The following ANP32A variants were observed in gnomAD, a reference collection of about 807,000 sequenced individuals.
ANP32A encodes the protein acidic nuclear phosphoprotein 32 family member A.
Under a neutral mutation model 33.9 loss-of-function variants are expected in ANP32A, and 1 was observed. The observed-to-expected ratio is 0.03, with a 90% CI of 0.01 to 0.14. ANP32A has a LOEUF of 0.14. ANP32A is among the 10% of genes least tolerant of loss of function. The probability of loss-of-function intolerance (pLI) is 1.00; values close to 1 mark genes in which losing one functional copy is unlikely to be tolerated. For synonymous variants in ANP32A, 115 were observed against 120.5 expected (o/e 0.95, Z 0.30); for missense variants, 155 against 306.0 (o/e 0.51, Z 3.68).
intron 1 of ANP32A, among the ~76,000 whole-genome samples, chr15:68,804,973 T>C (rs62008192): frequency 0.042 from 6,346 of 152,266 alleles, 153 homozygotes; most frequent in African/African-American, 0.065. Flanking sequence ...TAGATGAAAT[T>C]ATTGGCCAAT....
At chr15:68,809,671 A>G (rs950599011) in intron 1 of ANP32A, among the ~76,000 whole-genome samples, 3 of 151,544 alleles carry the variant, frequency 2.0e-5, no homozygotes, top group African/African-American at 7.2e-5. Context: ...ACTCCATCAG[A>G]AAGTCACACC....
intron 2 of ANP32A, 110 bp downstream of exon 2, chr15:68,787,660 T>A: frequency 6.3e-7 from 1 of 1,593,894 alleles, no homozygotes; most frequent in Middle Eastern, 1.7e-4. Context: ...GTCTGGCATG[T>A]TGGTGCAAGC....
chr15:68,797,060 T>G (rs912180051), intron 1 of ANP32A, among the ~76,000 whole-genome samples: 1 of 152,152 alleles, frequency 6.6e-6, no homozygotes, highest in African/African-American at 2.4e-5. Flanking sequence ...CTCAATCATC[T>G]AATCTCTTAA....
At chr15:68,801,290 T>C (rs140634869) in intron 1 of ANP32A, among the ~76,000 whole-genome samples, 229 of 150,878 alleles carry the variant, frequency 1.5e-3, no homozygotes, top group Admixed American at 5.2e-3. Flanking sequence ...GCTTGCCCCA[T>C]GTTTCCAGGT....
chr15:68,819,714 C>A (rs893183214), intron 1 of ANP32A, among the ~76,000 whole-genome samples: 6 of 152,210 alleles, frequency 3.9e-5, no homozygotes, highest in Admixed American at 6.5e-5. Context: ...AGGCTGGCAT[C>A]TTGGGGAAGC....
chr15:68,812,087 TC>T (rs1894320370), intron 1 of ANP32A, among the ~76,000 whole-genome samples: 1 of 152,066 alleles, frequency 6.6e-6, no homozygotes, highest in Non-Finnish European at 1.5e-5. Flanking sequence ...GCTATGGTGT[TC>T]TAACGGCAAC....
chr15:68,788,781 C>T (rs1424884707), intron 1 of ANP32A, among the ~76,000 whole-genome samples: 1 of 152,220 alleles, frequency 6.6e-6, no homozygotes, highest in African/African-American at 2.4e-5. Context: ...ATGCTGAGAT[C>T]TGTCTCAAAG....
intron 3 of ANP32A, among the ~76,000 whole-genome samples, chr15:68,786,252 C>CTGCT (rs754215311): frequency 1.7e-4 from 15 of 90,130 alleles, no homozygotes; most frequent in Admixed American, 6.5e-4. Flanking sequence ...GCTGCTGCTG[C>CTGCT]TTTTTTTTTT....
At chr15:68,810,949 ACT>A (rs1205706663) in intron 1 of ANP32A, among the ~76,000 whole-genome samples, 1 of 151,262 alleles carries the variant, frequency 6.6e-6, no homozygotes, top group Non-Finnish European at 1.5e-5. Flanking sequence ...AATCCCAGCT[ACT>A]CGGGAGGCTG....
At chr15:68,818,037 AAAAAATAAATAAAT>A (rs987600814) in intron 1 of ANP32A, among the ~76,000 whole-genome samples, 14 of 152,240 alleles carry the variant, frequency 9.2e-5, no homozygotes, top group African/African-American at 2.2e-4. Flanking sequence ...TAGCCGTTAA[AAAAAATAAATAAAT>A]AAAAATAAAT....
Position 68,780,370 on chromosome 15 carries a change from G to T in ANP32A, c.688+40C>A. ...AGCAATCTAAGGCCAAAGTGAAAGG[G>T]CCAGGCTGCTACCAGCTGAGAGTAA... On this transcript the variant is annotated intron_variant, in intron 6 of 6. Transcript: ENST00000465139. This position sits in a 1 kb window ranked among gnomAD's most constrained non-coding sequence, Gnocchi z 4.3. The T allele has an allele frequency of 6.2e-7, 1 of 1,613,762 alleles. No homozygotes were observed. Among genetic ancestry groups the T allele is most frequent in the South Asian group, 1.1e-5 (1 of 91,064 alleles).
intron 1 of ANP32A, among the ~76,000 whole-genome samples, chr15:68,793,219 C>T (rs181467166): frequency 9.8e-5 from 15 of 152,308 alleles, no homozygotes; most frequent in Admixed American, 1.3e-4. Flanking sequence ...CTGTTTATTG[C>T]GCCAGGTATA....
Position 68,787,308 on chromosome 15 carries a change from C to A in ANP32A, c.327+105G>T, listed in dbSNP as rs189120680. On this transcript the variant is annotated intron_variant, in intron 3 of 6. Coordinates refer to ENST00000465139, the MANE Select transcript of ANP32A (RefSeq NM_006305.4). ...CTATCTCATAGCACATCATGAGAGT[C>A]AAAAAAATTAAGTGGGAAAAGGACA... 99 of 1,519,470 alleles carry A rather than the reference C, an allele frequency of 6.5e-5. 1 individual carries two copies. The African/African-American group carries it at 1.3e-3, about 20-fold the overall frequency. The allele number at this position is 1,519,470 out of a possible 1,614,324, so 94.1% of individuals were successfully genotyped here. A position where few individuals can be genotyped will look rare whatever the true frequency, so the allele number is the denominator to read the frequency against.
At chr15:68,794,415 C>T (rs1382497511) in intron 1 of ANP32A, among the ~76,000 whole-genome samples, 1 of 152,184 alleles carries the variant, frequency 6.6e-6, no homozygotes, top group Non-Finnish European at 1.5e-5. Flanking sequence ...TTTTCCTTCA[C>T]GGAGCAAGAA....
chr15:68,818,422 T>C, intron 1 of ANP32A: 1 of 156,474 alleles, frequency 6.4e-6, no homozygotes, highest in Non-Finnish European at 1.4e-5. Flanking sequence ...CAGTTCCTCC[T>C]CCCCCAACCC....
chr15:68,780,541 CAG>C lies in ANP32A; in HGVS notation c.625-70_625-69del, dbSNP rs1426283723. Reference sequence around the variant, plus strand: ...CTTGGGACATGCTGAGGAAGCCACACAGAGCACAAAAAGGCCGGGGTCACCCC... The same window carrying C: ...CTTGGGACATGCTGAGGAAGCCACACAGCACAAAAAGGCCGGGGTCACCCC... On this transcript the variant is annotated intron_variant, in intron 5 of 6. Transcript: ENST00000465139. This position sits in a 1 kb window ranked among gnomAD's most constrained non-coding sequence, Gnocchi z 4.3. The C allele has an allele frequency of 1.2e-6, 2 of 1,601,042 alleles. No individual in the cohort carries two copies. The highest frequency in any genetic ancestry group is 2.7e-5 in the African/African-American group (2 of 74,372).
chr15:68,787,393 G>A lies in ANP32A; in HGVS notation c.327+20C>T, dbSNP rs751035756. ...CCCACCTCCTACCCCTGCAGGGAGG[G>A]GAGGGTCCGAATGACTTACCAGTGG... On this transcript the variant is annotated intron_variant, in intron 3 of 6. Coordinates refer to ENST00000465139, the MANE Select transcript of ANP32A (RefSeq NM_006305.4). The A allele has an allele frequency of 6.2e-7, 1 of 1,614,118 alleles. No homozygotes were observed. The highest frequency in any genetic ancestry group is 1.1e-5 in the South Asian group (1 of 91,070).
intron 1 of ANP32A, among the ~76,000 whole-genome samples, chr15:68,809,580 T>C (rs1894285384): frequency 6.6e-6 from 1 of 152,174 alleles, no homozygotes; most frequent in Admixed American, 6.5e-5. Flanking sequence ...CAGGTTCAAA[T>C]TGTTTACTGA....
rs2958411 is a variant in ANP32A at position 68,780,812 on chromosome 15, A to T, written c.625-339T>A. The T allele has an allele frequency of 4.6e-6, 1 of 218,452 alleles. No homozygotes were observed. The allele number at this position is 218,452 out of a possible 1,614,324, so 13.5% of individuals were successfully genotyped here. ...AGGCAGGCAGCTCTCCAGTCTGCACATTCTCTGAGGAGAACAAGTTCCCGA... is the reference window on the plus strand; with the variant it reads ...AGGCAGGCAGCTCTCCAGTCTGCACTTTCTCTGAGGAGAACAAGTTCCCGA... On this transcript the variant is annotated intron_variant, in intron 5 of 6. Coordinates refer to ENST00000465139, the MANE Select transcript of ANP32A (RefSeq NM_006305.4). This position sits in a 1 kb window ranked among gnomAD's most constrained non-coding sequence, Gnocchi z 4.3.
Sources: gnomAD v4.1 joint callset for allele counts (sites outside exome capture counted in the v4.1 genomes callset) on GRCh38, gnomAD v4.1.1 for gene constraint, Gnocchi (gnomAD v3.1) non-coding constraint, MANE v1.5 for transcripts, NCBI Gene and HGNC (gene_info 2026-07-23, HGNC 2026-07-21) for gene names.